Variants in PTPN3 observed in about 807,000 individuals in gnomAD.
PTPN3 encodes protein tyrosine phosphatase non-receptor type 3.
Under a neutral mutation model 132.7 loss-of-function variants are expected in PTPN3, and 96 were observed. That is an observed-to-expected ratio of 0.72 (90% confidence interval 0.61 to 0.86). The LOEUF is 0.86. PTPN3 is among the 40% of genes least tolerant of loss of function. PTPN3 has a pLI of 0.00. For synonymous variants in PTPN3, 398 were observed against 429.0 expected (o/e 0.93, Z 0.89); for missense variants, 1,125 against 1,159.6 (o/e 0.97, Z 0.43).
intron 1 of PTPN3, among the ~76,000 whole-genome samples, chr9:109,494,574 A>T (rs2132129687): frequency 6.6e-6 from 1 of 152,296 alleles, no homozygotes; most frequent in Non-Finnish European, 1.5e-5. Flanking sequence ...CTTAATTCAA[A>T]TTATGCCTTG....
intron 4 of PTPN3, 149 bp from the exon 5 acceptor site, chr9:109,454,723 G>A (rs1845472934): frequency 3.2e-6 from 2 of 627,582 alleles, no homozygotes; most frequent in Non-Finnish European, 5.6e-6. Context: ...GAGTACATAA[G>A]TTAGTTGTTT....
intron 2 of PTPN3, among the ~76,000 whole-genome samples, chr9:109,460,360 C>T (rs953888013): frequency 6.6e-6 from 1 of 152,158 alleles, no homozygotes; most frequent in Non-Finnish European, 1.5e-5. Flanking sequence ...CCCTGGACTG[C>T]CACACCAGTC....
chr9:109,391,028 G>C (rs902557927), intron 21 of PTPN3, 110 bp downstream of exon 21: 2 of 930,986 alleles, frequency 2.1e-6, no homozygotes, highest in Non-Finnish European at 1.7e-6. Flanking sequence ...GCTGAAATGC[G>C]GTGGTGAACG....
chr9:109,425,642 C>T (rs1364300077), intron 12 of PTPN3, among the ~76,000 whole-genome samples: 3 of 151,654 alleles, frequency 2.0e-5, no homozygotes, highest in African/African-American at 7.3e-5. Flanking sequence ...ACCCAGGAGA[C>T]AGAGGTTGCA....
intron 4 of PTPN3, among the ~76,000 whole-genome samples, chr9:109,454,853 A>T (rs1212695137): frequency 1.3e-5 from 2 of 152,232 alleles, no homozygotes; most frequent in Non-Finnish European, 2.9e-5. Flanking sequence ...GCACTCCGTC[A>T]TCTGTATTAG....
intron 11 of PTPN3, among the ~76,000 whole-genome samples, chr9:109,427,685 T>C (rs1843376537): frequency 6.6e-6 from 1 of 152,274 alleles, no homozygotes; most frequent in African/African-American, 2.4e-5. Context: ...TGTGCCACCC[T>C]GAATCTTGCA....
chr9:109,379,003 C>G lies in PTPN3; in HGVS notation c.*553G>C, dbSNP rs944773995. On this transcript the variant is annotated 3_prime_UTR_variant, in exon 26 of 26. Transcript: ENST00000374541. The stretch of plus-strand genomic sequence containing the variant: ...GGAGATGGGACAAAGGGAGGGAGGG[C>G]AGAGAGGTGTTGCTCAGCCTTCAGC... 1 of 152,348 alleles carries G rather than the reference C, an allele frequency of 6.6e-6. No homozygotes were observed. Among genetic ancestry groups the G allele is most frequent in the Non-Finnish European group, 1.5e-5 (1 of 68,198 alleles). The allele number at this position is 152,348 out of a possible 1,614,324, so 9.4% of individuals were successfully genotyped here.
chr9:109,412,153 C>A (rs770512997), intron 14 of PTPN3, among the ~76,000 whole-genome samples: 10 of 152,028 alleles, frequency 6.6e-5, no homozygotes, highest in Non-Finnish European at 1.2e-4. Flanking sequence ...TTCTGTCTGT[C>A]TCTGTCTCTG....
chr9:109,435,559 T>C (rs958730049), intron 9 of PTPN3, among the ~76,000 whole-genome samples: 1 of 152,180 alleles, frequency 6.6e-6, no homozygotes, highest in African/African-American at 2.4e-5. Context: ...CCTTATGATA[T>C]GAAGCTATGG....
intron 1 of PTPN3, among the ~76,000 whole-genome samples, chr9:109,464,563 A>T (rs1446247232): frequency 6.6e-6 from 1 of 152,244 alleles, no homozygotes; most frequent in Non-Finnish European, 1.5e-5. Flanking sequence ...AGCTAAAAAA[A>T]ATTTTTTTTA....
chr9:109,506,612 T>C, the PTPN3 span, among the ~76,000 whole-genome samples: 1 of 150,464 alleles, frequency 6.6e-6, no homozygotes, highest in Non-Finnish European at 1.5e-5. Context: ...TCTTTCTTTT[T>C]TTTTTTTTGC....
the PTPN3 span, among the ~76,000 whole-genome samples, chr9:109,510,571 AAAAAAATATAT>A: frequency 0.015 from 851 of 54,978 alleles, 26 homozygotes; most frequent in Non-Finnish European, 0.024. Flanking sequence ...AAAAAAAAAA[AAAAAAATATAT>A]ATATATATAT....
At chr9:109,469,516 G>A (rs1167112592) in intron 1 of PTPN3, among the ~76,000 whole-genome samples, 1 of 152,150 alleles carries the variant, frequency 6.6e-6, no homozygotes, top group Non-Finnish European at 1.5e-5. Context: ...CTACTTGGGA[G>A]GCTGAGTCAG....
At chr9:109,389,101 T>C (rs1412804044) in intron 22 of PTPN3, 132 bp downstream of exon 22, 2 of 1,213,578 alleles carry the variant, frequency 1.6e-6, no homozygotes, top group Non-Finnish European at 2.2e-6. Flanking sequence ...TTGGTTGCTC[T>C]GTAGAGGAGA....
At chr9:109,521,952 AGAGGGTACCTCTCCTTAGAGAGGAAACC>A in the PTPN3 span, among the ~76,000 whole-genome samples, 1 of 147,844 alleles carries the variant, frequency 6.8e-6, no homozygotes, top group Non-Finnish European at 1.5e-5. Context: ...TGAGGCTTAG[AGAGGGTACCTCTCCTTAGAGAGGAAACC>A]GAGGCTTAGA....
intron 19 of PTPN3, among the ~76,000 whole-genome samples, chr9:109,395,879 CAG>C (rs1840561528): frequency 8.5e-6 from 1 of 117,436 alleles, no homozygotes. Flanking sequence ...TTTTTTGAGA[CAG>C]AATCTTACTC....
intron 9 of PTPN3, among the ~76,000 whole-genome samples, chr9:109,434,010 A>G (rs1223666037): frequency 6.6e-6 from 1 of 151,860 alleles, no homozygotes; most frequent in Non-Finnish European, 1.5e-5. Context: ...TGCTGTGGAC[A>G]GTGAGGATAC....
rs1052821101 is a variant in PTPN3 at position 109,450,286 on chromosome 9, T to C, written c.369-1431A>G. On this transcript the variant is annotated intron_variant, in intron 5 of 25. Coordinates refer to ENST00000374541, the MANE Select transcript of PTPN3 (RefSeq NM_002829.4). Reference sequence around the variant, plus strand: ...TCCATCTTTTCCACCTAGGAGAACATCATCAGTTCTTTCTAGTTTGTTTCT... The same window carrying C: ...TCCATCTTTTCCACCTAGGAGAACACCATCAGTTCTTTCTAGTTTGTTTCT... 4.5e-5 allele frequency: 44 copies of C among 985,424 alleles called. No individual in the cohort carries two copies. The African/African-American group carries it at 7.3e-4, about 16-fold the overall frequency. The allele number at this position is 985,424 out of a possible 1,614,324, so 61.0% of individuals were successfully genotyped here. A position where few individuals can be genotyped will look rare whatever the true frequency, so the allele number is the denominator to read the frequency against.
At position 109,433,143 on chromosome 9, in the gene PTPN3, G is replaced by T; in HGVS notation, c.694C>A (p.Leu232Ile). 6.2e-7 allele frequency: 1 copy of T among 1,614,044 alleles called. No homozygotes were observed. Among genetic ancestry groups the T allele is most frequent in the East Asian group, 2.2e-5 (1 of 44,870 alleles). Residue 232 changes from leucine to isoleucine, a missense_variant, in exon 10 of 26, where the codon CTA becomes ATA. Transcript: ENST00000374541. Reference protein sequence around the residue: ...HSGRDLHNLDLMIGIASAGVA... With the variant: ...HSGRDLHNLDIMIGIASAGVA... ...CCCGCGGAAGCAATTCCAATCATTAGGTCTAAATTGTGCAGATCCTGTAAA... is the reference window on the plus strand; with the variant it reads ...CCCGCGGAAGCAATTCCAATCATTATGTCTAAATTGTGCAGATCCTGTAAA...
Sources: allele counts gnomAD v4.1 joint callset (sites outside exome capture counted in the v4.1 genomes callset), GRCh38; gene constraint gnomAD v4.1.1; transcripts MANE v1.5; gene names NCBI Gene and HGNC (gene_info 2026-07-23, HGNC 2026-07-21).